Variants in ALPK2 observed in about 807,000 individuals in gnomAD.
ALPK2 encodes alpha-protein kinase 2.
A neutral mutation model predicts 163.1 loss-of-function variants in ALPK2; 127 were observed. The observed-to-expected ratio is 0.78, with a 90% CI of 0.67 to 0.90. ALPK2 has a LOEUF of 0.90. Ranked by LOEUF, ALPK2 falls within the 40% of genes least tolerant of loss-of-function variation. The probability of loss-of-function intolerance (pLI) is 0.00; values close to 1 mark genes in which losing one functional copy is unlikely to be tolerated. For missense variants in ALPK2, 2,360 were observed against 2,589.6 expected (o/e 0.91, Z 1.92); for synonymous variants, 953 against 959.1 (o/e 0.99, Z 0.12).
At chr18:58,502,134 C>CCACA (rs71173056) in intron 11 of ALPK2, among the ~76,000 whole-genome samples, 12,289 of 118,288 alleles carry the variant, frequency 0.1, 740 homozygotes, top group Admixed American at 0.18. Context: ...AACCCCATCT[C>CCACA]CACACACACA....
intron 4 of ALPK2, among the ~76,000 whole-genome samples, chr18:58,553,657 A>G (rs944586699): frequency 1.3e-5 from 2 of 151,934 alleles, no homozygotes; most frequent in Non-Finnish European, 2.9e-5. Context: ...ATGGTTTTCT[A>G]AGGGCCTGTT....
chr18:58,617,115 A>G (rs1441946113), intron 1 of ALPK2, among the ~76,000 whole-genome samples: 1 of 152,206 alleles, frequency 6.6e-6, no homozygotes, highest in African/African-American at 2.4e-5. Context: ...GTGGGAGAGC[A>G]GAGAAAAAAC....
At chr18:58,557,707 T>G (rs4074563) in intron 4 of ALPK2, among the ~76,000 whole-genome samples, 1 of 74,434 alleles carries the variant, frequency 1.3e-5, no homozygotes, top group Non-Finnish European at 2.9e-5. Flanking sequence ...TATATTTATA[T>G]TTTGTCATTG....
chr18:58,535,803 G>GA lies in ALPK2; in HGVS notation c.4383dup (p.Leu1462SerfsTer3). ...CTTCTGCTGATTCTATTTTCACTCA[G>GA]AATGGTTCCCTGGAGACATGGAACT... On this transcript the variant is annotated frameshift_variant, in exon 5 of 13. Coordinates refer to ENST00000361673, the MANE Select transcript of ALPK2 (RefSeq NM_052947.4). 6.2e-7 allele frequency: 1 copy of GA among 1,614,212 alleles called. No homozygotes were observed. The highest frequency in any genetic ancestry group is 8.5e-7 in the Non-Finnish European group (1 of 1,180,032).
At chr18:58,571,086 A>G (rs1258873734) in intron 4 of ALPK2, among the ~76,000 whole-genome samples, 4 of 151,870 alleles carry the variant, frequency 2.6e-5, no homozygotes, top group South Asian at 2.1e-4. Flanking sequence ...GAGTGGTGCG[A>G]TATCAGCTCA....
chr18:58,596,345 C>T (rs535906390), intron 3 of ALPK2, among the ~76,000 whole-genome samples: 97 of 152,322 alleles, frequency 6.4e-4, no homozygotes, highest in Middle Eastern at 3.4e-3. Context: ...CTGGCTGCCA[C>T]CTCCTGGTGC....
rs1461157993 is a variant in ALPK2 at position 58,536,476 on chromosome 18, C to A, written c.3711G>T (p.Lys1237Asn). 4.3e-6 allele frequency: 7 copies of A among 1,614,050 alleles called. No homozygotes were observed. Among genetic ancestry groups the A allele is most frequent in the Non-Finnish European group, 5.9e-6 (7 of 1,180,034 alleles). Residue 1237 changes from lysine (K) to asparagine (N), a missense_variant, in exon 5 of 13, where the codon AAG becomes AAT. Lys to Asn is a moderately conservative substitution (Grantham distance 94). Coordinates refer to ENST00000361673, the MANE Select transcript of ALPK2 (RefSeq NM_052947.4). ...AAGCGGAAGCCTCTAGAGTTATAAT[C>A]TTCAGCTTGTTGCCTGCCTCCCAAT... ...PGNWEAGNKL[K>N]IITLEASASE...
At chr18:58,484,236 G>C (rs777882378) in intron 12 of ALPK2, among the ~76,000 whole-genome samples, 88 of 152,236 alleles carry the variant, frequency 5.8e-4, no homozygotes, top group Non-Finnish European at 1.0e-3. Flanking sequence ...TAAAAATATA[G>C]TCACATGGGA....
intron 4 of ALPK2, among the ~76,000 whole-genome samples, chr18:58,540,891 C>G (rs1234677668): frequency 1.3e-5 from 2 of 152,142 alleles, no homozygotes; most frequent in Non-Finnish European, 2.9e-5. Context: ...CTTTATTCTT[C>G]CGTGATTGAT....
rs200425558 is a variant in ALPK2, at chr18:58,512,874, GGT to G, written c.6029+2117_6029+2118del. Among the ~76,000 whole-genome samples, 89 of 138,818 alleles carry G rather than the reference GGT, an allele frequency of 6.4e-4. No homozygotes were observed. The East Asian group carries it at 0.018, about 28-fold the overall frequency. The allele number at this position is 138,818 out of a possible 152,430, so 91.1% of individuals were successfully genotyped here. A position where few individuals can be genotyped will look rare whatever the true frequency, so the allele number is the denominator to read the frequency against. On this transcript the variant is annotated intron_variant, in intron 10 of 12. Coordinates refer to ENST00000361673, the MANE Select transcript of ALPK2 (RefSeq NM_052947.4). The stretch of plus-strand genomic sequence containing the variant: ...TGTGTGTGTGGTGTGTTGTATGTGT[GGT>G]GTGTGTGGGGGTGTGTAATGCGTAT...
chr18:58,606,798 C>G (rs971504652), intron 3 of ALPK2, among the ~76,000 whole-genome samples: 3 of 152,140 alleles, frequency 2.0e-5, no homozygotes, highest in Admixed American at 6.5e-5. Flanking sequence ...ATTGAGTTTC[C>G]TGGTTTTATC....
At chr18:58,624,885 C>T (rs1286299698) in intron 1 of ALPK2, among the ~76,000 whole-genome samples, 2 of 152,194 alleles carry the variant, frequency 1.3e-5, no homozygotes, top group African/African-American at 4.8e-5. Flanking sequence ...AAGTTACCGA[C>T]AGAAGTAATG....
chr18:58,580,799 CT>C (rs1602228069), intron 3 of ALPK2: 1 of 511,422 alleles, frequency 2.0e-6, no homozygotes, highest in East Asian at 3.4e-5. Flanking sequence ...ATGGAAAATG[CT>C]GAGGATTGCA....
At chr18:58,560,888 CT>C (rs2051822455) in intron 4 of ALPK2, among the ~76,000 whole-genome samples, 1 of 152,220 alleles carries the variant, frequency 6.6e-6, no homozygotes, top group African/African-American at 2.4e-5. Context: ...CTTTCCAGAT[CT>C]AATTCTCAGC....
intron 6 of ALPK2, among the ~76,000 whole-genome samples, chr18:58,528,352 C>T (rs1248132276): frequency 6.6e-6 from 1 of 151,946 alleles, no homozygotes; most frequent in African/African-American, 2.4e-5. Flanking sequence ...GGCAATGTGG[C>T]AAAACCCTGT....
intron 10 of ALPK2, among the ~76,000 whole-genome samples, chr18:58,505,015 C>A (rs2144114170): frequency 6.6e-6 from 1 of 152,146 alleles, no homozygotes; most frequent in African/African-American, 2.4e-5. Flanking sequence ...GAAGTCAGGC[C>A]TTGGGGGACC....
chr18:58,621,510 A>G (rs565045533), intron 1 of ALPK2, among the ~76,000 whole-genome samples: 24 of 152,126 alleles, frequency 1.6e-4, no homozygotes, highest in Non-Finnish European at 2.1e-4. Context: ...TGACATCGTG[A>G]TCCGCCCGCC....
chr18:58,484,649 C>A (rs1885182718), intron 12 of ALPK2, among the ~76,000 whole-genome samples: 1 of 152,132 alleles, frequency 6.6e-6, no homozygotes, highest in South Asian at 2.1e-4. Flanking sequence ...GAGGCTGAGA[C>A]AGGAGAATCA....
At chr18:58,548,572 C>T (rs1369125965) in intron 4 of ALPK2, among the ~76,000 whole-genome samples, 1 of 152,096 alleles carries the variant, frequency 6.6e-6, no homozygotes. Flanking sequence ...CCACCCACCT[C>T]GGCCTCCCAA....
Sources: gnomAD v4.1 joint callset for allele counts (sites outside exome capture counted in the v4.1 genomes callset) on GRCh38, gnomAD v4.1.1 for gene constraint, MANE v1.5 for transcripts, NCBI Gene and HGNC (gene_info 2026-07-23, HGNC 2026-07-21) for gene names.